Variants in STK39 observed in about 807,000 individuals in gnomAD.
STK39 encodes the protein STE20/SPS1-related proline-alanine-rich protein kinase.
Under a neutral mutation model 77.8 loss-of-function variants are expected in STK39, and 20 were observed. The observed-to-expected ratio is 0.26, with a 90% CI of 0.18 to 0.37. STK39 has a LOEUF of 0.37. STK39 is among the 10% of genes least tolerant of loss of function. The pLI is 1.00. For missense variants in STK39, 479 were observed against 656.5 expected, an observed-to-expected ratio of 0.73 and a Z score of 2.95; for synonymous variants, 246 against 234.1, an observed-to-expected ratio of 1.05 and a Z score of -0.47.
chr2:168,042,162 A>T (rs771351530), intron 14 of STK39, among the ~76,000 whole-genome samples: 1 of 152,184 alleles, frequency 6.6e-6, no homozygotes, highest in African/African-American at 2.4e-5. Context: ...TTCCACTCTC[A>T]AGATATTTTT....
chr2:168,059,163 T>C (rs1685600469), intron 14 of STK39, among the ~76,000 whole-genome samples: 1 of 152,182 alleles, frequency 6.6e-6, no homozygotes, highest in South Asian at 2.1e-4. Flanking sequence ...CAAATATTAC[T>C]TTATTTGGAG....
intron 1 of STK39, chr2:168,232,092 G>A (rs768154121): frequency 2.0e-5 from 5 of 253,464 alleles, no homozygotes; most frequent in Non-Finnish European, 4.4e-5. Context: ...CCCCTGGTAA[G>A]ATCCACAGTT....
chr2:167,967,779 C>A (rs998646179), intron 16 of STK39, among the ~76,000 whole-genome samples: 5 of 152,184 alleles, frequency 3.3e-5, no homozygotes, highest in African/African-American at 9.7e-5. Context: ...TATTCAAATT[C>A]TCCACATTTT....
At chr2:168,227,126 G>C in intron 1 of STK39, among the ~76,000 whole-genome samples, 1 of 152,114 alleles carries the variant, frequency 6.6e-6, no homozygotes, top group African/African-American at 2.4e-5. Context: ...TTTACAGATT[G>C]CAGAACAATA....
intron 10 of STK39, among the ~76,000 whole-genome samples, chr2:168,090,446 A>C (rs1379929609): frequency 6.6e-6 from 1 of 152,170 alleles, no homozygotes; most frequent in Non-Finnish European, 1.5e-5. Context: ...GTATCCTAGA[A>C]CTGCTGAAGG....
chr2:168,173,937 C>G (rs996922993), intron 2 of STK39, among the ~76,000 whole-genome samples: 4 of 152,148 alleles, frequency 2.6e-5, no homozygotes, highest in African/African-American at 9.7e-5. Context: ...AGAGAAAAAC[C>G]TATTCAAGGA....
Position 168,097,889 on chromosome 2 carries a change from GC to G in STK39, c.1090-22659del, listed in dbSNP as rs372226430. ...AGGAACTAAAAGGTAAAAATATTTA[GC>G]AGTTATTAAATACTTCCTGTGTGCT... On this transcript the variant is annotated intron_variant, in intron 10 of 17. Transcript: ENST00000355999. Among the ~76,000 whole-genome samples, 322 of 152,332 alleles carry G rather than the reference GC, an allele frequency of 2.1e-3. 3 individuals are homozygous for G. Among genetic ancestry groups the G allele is most frequent in the African/African-American group, 7.1e-3 (296 of 41,574 alleles).
intron 16 of STK39, among the ~76,000 whole-genome samples, chr2:167,990,596 C>T (rs922519598): frequency 3.3e-5 from 5 of 152,200 alleles, no homozygotes; most frequent in South Asian, 2.1e-4. Context: ...GAATGCCCAT[C>T]CTGCTTAATC....
intron 10 of STK39, among the ~76,000 whole-genome samples, chr2:168,120,534 A>G (rs1193970175): frequency 1.3e-5 from 2 of 152,242 alleles, no homozygotes; most frequent in Non-Finnish European, 2.9e-5. Context: ...CAGTGGTTGT[A>G]ATGGAAACAG....
intron 2 of STK39, among the ~76,000 whole-genome samples, chr2:168,175,576 TCCAA>T (rs988382361): frequency 1.5e-4 from 23 of 152,242 alleles, no homozygotes; most frequent in African/African-American, 5.3e-4. Context: ...AGTTGTTTTC[TCCAA>T]CCAAATTATA....
At chr2:168,026,896 T>C (rs1684711968) in intron 14 of STK39, among the ~76,000 whole-genome samples, 1 of 152,104 alleles carries the variant, frequency 6.6e-6, no homozygotes, top group East Asian at 1.9e-4. Context: ...GGAGGGAAGA[T>C]CACTTGAACC....
chr2:168,232,263 T>G (rs1878485), intron 1 of STK39: 20,748 of 156,826 alleles, frequency 0.13, 2,465 homozygotes, highest in East Asian at 0.36. Context: ...AAAGTAAAAA[T>G]GGACACCCTC....
At chr2:168,025,686 G>T (rs1011307225) in intron 14 of STK39, among the ~76,000 whole-genome samples, 1 of 152,182 alleles carries the variant, frequency 6.6e-6, no homozygotes, top group African/African-American at 2.4e-5. Context: ...AGGGAAAATT[G>T]TTGTACTTAA....
chr2:168,213,192 T>C (rs1263477390), intron 1 of STK39, among the ~76,000 whole-genome samples: 1 of 152,108 alleles, frequency 6.6e-6, no homozygotes, highest in Non-Finnish European at 1.5e-5. Context: ...CATAAGAACA[T>C]AGCGCTGAAT....
intron 17 of STK39, among the ~76,000 whole-genome samples, chr2:167,957,396 C>T (rs1254114994): frequency 1.3e-5 from 2 of 152,312 alleles, no homozygotes; most frequent in East Asian, 3.9e-4. Flanking sequence ...CAAAGTAGTA[C>T]AGGCATAGAG....
rs529293101 is a variant in STK39 at position 168,086,046 on chromosome 2, C to A, written c.1090-10815G>T. Among the ~76,000 whole-genome samples the A allele has an allele frequency of 2.0e-5, 3 of 152,258 alleles. No homozygotes were observed. The East Asian group carries it at 5.8e-4, about 29-fold the overall frequency. On this transcript the variant is annotated intron_variant, in intron 10 of 17. Coordinates refer to ENST00000355999, the MANE Select transcript of STK39 (RefSeq NM_013233.3). ...AAGCTGAACAGCCTGAATCCCTGAC[C>A]CACAGAAACTGGGAGACTTACTAAA...
chr2:168,177,656 T>C (rs1574530083), intron 2 of STK39, among the ~76,000 whole-genome samples: 1 of 152,110 alleles, frequency 6.6e-6, no homozygotes, highest in East Asian at 1.9e-4. Context: ...AAAGCACTCA[T>C]GCGATGGATT....
intron 14 of STK39, among the ~76,000 whole-genome samples, chr2:168,021,615 A>G (rs1392874938): frequency 6.6e-6 from 1 of 152,146 alleles, no homozygotes; most frequent in East Asian, 1.9e-4. Context: ...AACTTTATAG[A>G]GGAAATGATA....
intron 16 of STK39, among the ~76,000 whole-genome samples, chr2:168,003,350 C>T (rs987490437): frequency 7.9e-5 from 12 of 152,182 alleles, no homozygotes; most frequent in Non-Finnish European, 1.6e-4. Flanking sequence ...TTTTACAACA[C>T]GGATGATACT....
Sources: allele counts gnomAD v4.1 joint callset (sites outside exome capture counted in the v4.1 genomes callset), GRCh38; gene constraint gnomAD v4.1.1; transcripts MANE v1.5; gene names NCBI Gene and HGNC (gene_info 2026-07-23, HGNC 2026-07-21).